Variants in ERI3 observed in about 807,000 individuals in gnomAD.
The protein encoded by ERI3 is ERI1 exoribonuclease family member 3.
In ERI3, 18 loss-of-function variants were observed where a neutral mutation model predicts 44.4. The observed-to-expected ratio is 0.41, with a 90% CI of 0.28 to 0.60. The LOEUF is 0.60. Ranked by LOEUF, ERI3 falls within the 20% of genes least tolerant of loss-of-function variation. ERI3 has a pLI of 0.36. For synonymous variants in ERI3, 183 were observed against 164.8 expected, an observed-to-expected ratio of 1.11 and a Z score of -0.84; for missense variants, 294 against 435.5, an observed-to-expected ratio of 0.68 and a Z score of 2.89.
chr1:44,352,966 T>C (rs749182772), intron 1 of ERI3, 41 bp from the exon 2 acceptor site: 2 of 1,612,448 alleles, frequency 1.2e-6, no homozygotes, highest in Non-Finnish European at 1.7e-6. Flanking sequence ...TCTATTTCAA[T>C]ACCAAGGATC....
At chr1:44,283,003 G>A (rs994490285) in intron 7 of ERI3, among the ~76,000 whole-genome samples, 1 of 152,094 alleles carries the variant, frequency 6.6e-6, no homozygotes, top group African/African-American at 2.4e-5. Context: ...AAGGAACCTG[G>A]AGGCAGGGAG....
intron 6 of ERI3, among the ~76,000 whole-genome samples, chr1:44,291,465 A>G (rs958951710): frequency 6.6e-6 from 1 of 152,238 alleles, no homozygotes; most frequent in African/African-American, 2.4e-5. Context: ...TTTGGTCTCA[A>G]TCGATCTCCT....
chr1:44,346,805 TATA>T (rs1646792602), intron 2 of ERI3, among the ~76,000 whole-genome samples: 1 of 152,036 alleles, frequency 6.6e-6, no homozygotes, highest in South Asian at 2.1e-4. Flanking sequence ...TAATAATAGC[TATA>T]ATAATAATAA....
chr1:44,325,412 A>G (rs923734653), intron 3 of ERI3, among the ~76,000 whole-genome samples: 28 of 152,064 alleles, frequency 1.8e-4, no homozygotes, highest in Non-Finnish European at 3.8e-4. Context: ...GGAACCCCCA[A>G]TGATTTCCTT....
intron 7 of ERI3, among the ~76,000 whole-genome samples, chr1:44,263,580 T>C (rs1292677236): frequency 1.3e-5 from 2 of 152,232 alleles, no homozygotes; most frequent in African/African-American, 4.8e-5. Context: ...AGCTTTGTTC[T>C]AAACAGCTTC....
chr1:44,342,431 T>C (rs1646673811), intron 2 of ERI3, among the ~76,000 whole-genome samples: 1 of 151,592 alleles, frequency 6.6e-6, no homozygotes, highest in Non-Finnish European at 1.5e-5. Context: ...GAGAAAGGAG[T>C]TAAAATATGG....
chr1:44,311,136 G>C (rs1645964124), intron 5 of ERI3, among the ~76,000 whole-genome samples: 1 of 151,422 alleles, frequency 6.6e-6, no homozygotes. Flanking sequence ...CCCAAGTTAA[G>C]TGCCCCACAT....
intron 3 of ERI3, among the ~76,000 whole-genome samples, chr1:44,327,257 A>C (rs920585532): frequency 6.6e-6 from 1 of 152,174 alleles, no homozygotes; most frequent in Non-Finnish European, 1.5e-5. Context: ...AGCCCAAAAA[A>C]ATCTCTCTGG....
chr1:44,322,040 T>G (rs1646213568), intron 3 of ERI3, among the ~76,000 whole-genome samples: 1 of 152,192 alleles, frequency 6.6e-6, no homozygotes, highest in Non-Finnish European at 1.5e-5. Flanking sequence ...TACCAAGAAT[T>G]TATGGCTTAA....
chr1:44,297,230 G>C (rs1443012453), intron 6 of ERI3, among the ~76,000 whole-genome samples: 2 of 151,924 alleles, frequency 1.3e-5, no homozygotes, highest in East Asian at 1.9e-4. Flanking sequence ...CCTTTAGCCA[G>C]GGACACTGAG....
intron 5 of ERI3, among the ~76,000 whole-genome samples, chr1:44,310,320 G>A (rs147203633): frequency 2.9e-4 from 44 of 152,244 alleles, no homozygotes; most frequent in African/African-American, 1.0e-3. Flanking sequence ...AGAGGCAAAG[G>A]TACATGTGCA....
intron 2 of ERI3, among the ~76,000 whole-genome samples, chr1:44,343,782 T>C (rs1388989506): frequency 2.0e-5 from 3 of 152,148 alleles, no homozygotes; most frequent in African/African-American, 7.2e-5. Context: ...TTTGACTAGG[T>C]AGGAAAATGT....
Position 44,252,600 on chromosome 1 carries a change from T to C in ERI3, c.832-4562A>G, listed in dbSNP as rs1327242413. ...TGTATAATCAGCCTCCTCCATGCAC[T>C]GTCAGTCCCATCACAAACACGGCGC... On this transcript the variant is annotated intron_variant, in intron 7 of 8. Coordinates refer to ENST00000372257, the MANE Select transcript of ERI3 (RefSeq NM_024066.3). This position sits in a 1 kb window ranked among gnomAD's most constrained non-coding sequence, Gnocchi z 4.7. 6.6e-6 allele frequency among the ~76,000 whole-genome samples: 1 copy of C among 152,222 alleles called. No individual in the cohort carries two copies. Among genetic ancestry groups the C allele is most frequent in the Non-Finnish European group, 1.5e-5 (1 of 68,028 alleles).
intron 7 of ERI3, among the ~76,000 whole-genome samples, chr1:44,282,556 T>A (rs1645310570): frequency 6.6e-6 from 1 of 152,150 alleles, no homozygotes; most frequent in Non-Finnish European, 1.5e-5. Flanking sequence ...CTGCACCAAG[T>A]CACACAGCAT....
At chr1:44,268,941 C>A (rs933330147) in intron 7 of ERI3, among the ~76,000 whole-genome samples, 2 of 152,154 alleles carry the variant, frequency 1.3e-5, no homozygotes, top group Non-Finnish European at 2.9e-5. Flanking sequence ...TCCAAGCCAG[C>A]CCAAAATGTG....
At chr1:44,263,258 G>A (rs1219370465) in intron 7 of ERI3, among the ~76,000 whole-genome samples, 2 of 152,184 alleles carry the variant, frequency 1.3e-5, no homozygotes, top group South Asian at 2.1e-4. Flanking sequence ...GGGCCCAAGC[G>A]ACCCAAGGAG....
chr1:44,223,056 G>A (rs1219061142), intron 8 of ERI3, among the ~76,000 whole-genome samples: 1 of 152,192 alleles, frequency 6.6e-6, no homozygotes, highest in Non-Finnish European at 1.5e-5. Flanking sequence ...AGTCAGACAG[G>A]GTCCTGTGTC....
chr1:44,277,719 CTTT>C, intron 7 of ERI3, among the ~76,000 whole-genome samples: 1 of 152,348 alleles, frequency 6.6e-6, no homozygotes, highest in East Asian at 1.9e-4. Flanking sequence ...TCTTCTATCA[CTTT>C]TTTACTCTCT....
chr1:44,300,883 C>T (rs1572221587), intron 6 of ERI3, among the ~76,000 whole-genome samples: 1 of 152,194 alleles, frequency 6.6e-6, no homozygotes, highest in Non-Finnish European at 1.5e-5. Flanking sequence ...TCCATCTGAG[C>T]GTGGCAGGCT....
Sources: gnomAD v4.1 joint callset for allele counts (sites outside exome capture counted in the v4.1 genomes callset) on GRCh38, gnomAD v4.1.1 for gene constraint, Gnocchi (gnomAD v3.1) non-coding constraint, MANE v1.5 for transcripts, NCBI Gene and HGNC (gene_info 2026-07-23, HGNC 2026-07-21) for gene names.